AP3S2: variants seen among roughly 807,000 people sequenced by gnomAD.
AP3S2 encodes adaptor related protein complex 3 subunit sigma 2.
AP3S2 carries 22 observed loss-of-function variants against 23.4 expected under a neutral mutation model. The observed-to-expected ratio is 0.94, with a 90% confidence interval of 0.67 to 1.34. The LOEUF (loss-of-function observed/expected upper bound fraction) is 1.34. Ranked by LOEUF, AP3S2 falls within the 40% of genes most tolerant of loss-of-function variation. AP3S2 has a pLI of 0.00. For synonymous variants in AP3S2, 86 were observed against 87.1 expected, an observed-to-expected ratio of 0.99 and a Z score of 0.07; for missense variants, 241 against 236.9, an observed-to-expected ratio of 1.02 and a Z score of -0.11.
intron 4 of AP3S2, among the ~76,000 whole-genome samples, chr15:89,856,877 A>C (rs1895852671): frequency 6.6e-6 from 1 of 151,358 alleles, no homozygotes; most frequent in Non-Finnish European, 1.5e-5. Context: ...TGTCTTAAAA[A>C]AAAAAAAAAA....
In AP3S2 at chr15:89,832,270, C is replaced by A. The variant is rs571728386; in HGVS notation, c.*3245G>T. The A allele has an allele frequency of 5.9e-5, 9 of 152,100 alleles. No homozygotes were observed. In the East Asian group the frequency reaches 1.6e-3, roughly 26 times the overall value. The allele number at this position is 152,100 out of a possible 1,614,324, so 9.4% of individuals were successfully genotyped here. A position where few individuals can be genotyped will look rare whatever the true frequency, so the allele number is the denominator to read the frequency against. The stretch of plus-strand genomic sequence containing the variant: ...GACCAGCCTGTGCAACATAGTGAGA[C>A]CTTATTCTACTAAAAAAATAAAACT... On this transcript the variant is annotated 3_prime_UTR_variant, in exon 6 of 6. Transcript: ENST00000336418.
chr15:89,885,226 G>A (rs768314808), intron 3 of AP3S2, among the ~76,000 whole-genome samples: 3 of 150,180 alleles, frequency 2.0e-5, no homozygotes, highest in African/African-American at 7.4e-5. Context: ...ATAGAGTCTC[G>A]CTCTATTGCC....
In AP3S2 at chr15:89,884,928, T is replaced by C. The variant is rs561230423; in HGVS notation, c.273+3593A>G. On this transcript the variant is annotated intron_variant, in intron 3 of 5. Coordinates refer to ENST00000336418, the MANE Select transcript of AP3S2 (RefSeq NM_005829.5). Reference sequence around the variant, plus strand: ...CCCCAAAGTGCTGGGATCACAGGCGTGAGCCGCTGTGCCTGGCCCATCTTC... The same window carrying C: ...CCCCAAAGTGCTGGGATCACAGGCGCGAGCCGCTGTGCCTGGCCCATCTTC... Among the ~76,000 whole-genome samples the C allele has an allele frequency of 4.5e-4, 68 of 152,314 alleles. 3 individuals carry two copies. In the South Asian group the frequency reaches 0.014, roughly 31 times the overall value.
Position 89,873,783 on chromosome 15 carries a change from AT to A in AP3S2, c.274-2238del, listed in dbSNP as rs1393399314. Among the ~76,000 whole-genome samples, 2 of 151,658 alleles carry A rather than the reference AT, an allele frequency of 1.3e-5. 1 individual carries two copies. Among genetic ancestry groups the A allele is most frequent in the Admixed American group, 1.3e-4 (2 of 15,182 alleles). On this transcript the variant is annotated intron_variant, in intron 3 of 5. Coordinates refer to ENST00000336418, the MANE Select transcript of AP3S2 (RefSeq NM_005829.5). Reference sequence around the variant, plus strand: ...CTGTGAGTGTTTTTGTTTAGCACCCATTTAGCAATAAGACATAAATGGGTCT... The same window carrying A: ...CTGTGAGTGTTTTTGTTTAGCACCCATTAGCAATAAGACATAAATGGGTCT...
chr15:89,857,439 CAGAG>C (rs1895869146), intron 4 of AP3S2, among the ~76,000 whole-genome samples: 5 of 152,114 alleles, frequency 3.3e-5, no homozygotes, highest in African/African-American at 4.8e-5. Context: ...TCATCAAGGT[CAGAG>C]AGCCAAGGTA....
At chr15:89,855,636 ATCAGGAGT>A (rs1895811463) in intron 4 of AP3S2, among the ~76,000 whole-genome samples, 2 of 142,446 alleles carry the variant, frequency 1.4e-5, no homozygotes, top group Non-Finnish European at 3.1e-5. Context: ...ATCACCTGAG[ATCAGGAGT>A]TCAAGACCAG....
chr15:89,887,793 C>T (rs1896734809), intron 3 of AP3S2, among the ~76,000 whole-genome samples: 1 of 152,208 alleles, frequency 6.6e-6, no homozygotes, highest in Non-Finnish European at 1.5e-5. Context: ...GCTTCAGCCA[C>T]CTGAGTAGCT....
chr15:89,831,581 G>A lies in AP3S2; in HGVS notation c.*3934C>T, dbSNP rs573796359. On this transcript the variant is annotated 3_prime_UTR_variant, in exon 6 of 6. Coordinates refer to ENST00000336418, the MANE Select transcript of AP3S2 (RefSeq NM_005829.5). ...AGCCACGCTGAAAGCCCTTACTAGA[G>A]ACTGGTCCACAAGATCAGATTTAGC... 6.6e-6 allele frequency: 1 copy of A among 152,306 alleles called. No homozygotes were observed. The highest frequency in any genetic ancestry group is 2.4e-5 in the African/African-American group (1 of 41,472). The allele number at this position is 152,306 out of a possible 1,614,324, so 9.4% of individuals were successfully genotyped here. A position where few individuals can be genotyped will look rare whatever the true frequency, so the allele number is the denominator to read the frequency against.
At position 89,835,347 on chromosome 15, in the gene AP3S2, T is replaced by C. The variant is rs1895162335; in HGVS notation, c.*168A>G. ...ACTGGGTGCACCCGAGCAGTGTCAA[T>C]AGGAATCCCTTCCCTATTCCATGCC... On this transcript the variant is annotated 3_prime_UTR_variant, in exon 6 of 6. Coordinates refer to ENST00000336418, the MANE Select transcript of AP3S2 (RefSeq NM_005829.5). 3.3e-6 allele frequency: 4 copies of C among 1,209,496 alleles called. No individual in the cohort carries two copies. The highest frequency in any genetic ancestry group is 2.5e-5 in the Admixed American group (1 of 40,544). The allele number at this position is 1,209,496 out of a possible 1,614,324, so 74.9% of individuals were successfully genotyped here.
intron 1 of AP3S2, among the ~76,000 whole-genome samples, chr15:89,892,653 T>C (rs61345389): frequency 0.47 from 71,615 of 151,998 alleles, 17,088 homozygotes; most frequent in East Asian, 0.61. Context: ...TATACATACA[T>C]ATATATATAT....
chr15:89,859,385 CCT>C (rs1491238214), intron 4 of AP3S2, among the ~76,000 whole-genome samples: 473 of 86,210 alleles, frequency 5.5e-3, no homozygotes, highest in East Asian at 0.019. Context: ...TTCCTTCCTT[CCT>C]TTTCTTTCTT....
intron 1 of AP3S2, among the ~76,000 whole-genome samples, chr15:89,891,218 T>G (rs561464366): frequency 5.3e-5 from 8 of 152,252 alleles, no homozygotes; most frequent in Admixed American, 2.0e-4. Flanking sequence ...ACCCCTCATA[T>G]CTTTTTAGTA....
intron 4 of AP3S2, chr15:89,845,899 C>G (rs973420695): frequency 6.6e-6 from 1 of 152,176 alleles, no homozygotes; most frequent in Non-Finnish European, 1.5e-5. Flanking sequence ...AAAATTCACT[C>G]AGAAGTGTTT....
At chr15:89,863,807 T>C (rs908023545) in intron 4 of AP3S2, among the ~76,000 whole-genome samples, 7 of 152,186 alleles carry the variant, frequency 4.6e-5, no homozygotes, top group African/African-American at 1.7e-4. Flanking sequence ...GATTCTTTAG[T>C]TAAAAAGAAC....
At chr15:89,869,030 A>G (rs928174030) in intron 4 of AP3S2, among the ~76,000 whole-genome samples, 8 of 151,084 alleles carry the variant, frequency 5.3e-5, no homozygotes, top group African/African-American at 7.3e-5. Context: ...CTGGGAAGTG[A>G]GGAGCCCCTC....
At position 89,837,708 on chromosome 15, in the gene AP3S2, G is replaced by A. The variant is rs1895229797; in HGVS notation, c.360C>T (p.Leu120=). ...CCATCCCACCCATCACCACCTCCTG[G>A]AGGATGTAGTGCACCTAAAAGGGAA... is the stretch of plus-strand genomic sequence containing the variant. The part of the protein sequence containing the change: ...IFHMDKVHYI[L]QEVVMGGMVL... Residue 120 remains leucine (L), a synonymous_variant, in exon 5 of 6, where the codon CTC becomes CTT. Coordinates refer to ENST00000336418, the MANE Select transcript of AP3S2 (RefSeq NM_005829.5). 2 of 1,614,090 alleles carry A rather than the reference G, an allele frequency of 1.2e-6. No homozygotes were observed. The highest frequency in any genetic ancestry group is 1.7e-6 in the Non-Finnish European group (2 of 1,180,014).
chr15:89,879,417 C>T (rs1232842467), intron 3 of AP3S2, among the ~76,000 whole-genome samples: 1 of 152,072 alleles, frequency 6.6e-6, no homozygotes, highest in Admixed American at 6.5e-5. Flanking sequence ...ATTGCAGCAT[C>T]CTTTACAATA....
intron 5 of AP3S2, among the ~76,000 whole-genome samples, chr15:89,837,282 C>T (rs1895216719): frequency 6.6e-6 from 1 of 152,150 alleles, no homozygotes. Flanking sequence ...GGTTCTGGGT[C>T]CCTCCAGGGA....
At chr15:89,868,266 G>A (rs1289098411) in intron 4 of AP3S2, among the ~76,000 whole-genome samples, 7 of 57,184 alleles carry the variant, frequency 1.2e-4, no homozygotes, top group African/African-American at 2.0e-4. Flanking sequence ...GGTGAGGGGC[G>A]CCTCTGCCCG....
Sources: gnomAD v4.1 joint callset for allele counts (sites outside exome capture counted in the v4.1 genomes callset) on GRCh38, gnomAD v4.1.1 for gene constraint, MANE v1.5 for transcripts, NCBI Gene and HGNC (gene_info 2026-07-23, HGNC 2026-07-21) for gene names.